The following MACF1 variants were observed in gnomAD, a reference collection of about 807,000 sequenced individuals.
MACF1 encodes the protein microtubule-actin cross-linking factor 1.
MACF1 carries 193 observed loss-of-function variants against 854.8 expected under a neutral mutation model. The ratio of observed to expected loss-of-function variants is 0.23; its 90% CI spans 0.20 to 0.25. The LOEUF is 0.25. Among genes scored for constraint, MACF1 ranks in the 10% least tolerant of loss-of-function variants. MACF1 has a pLI of 1.00. For synonymous variants in MACF1, 3,185 were observed against 3,226.7 expected, an observed-to-expected ratio of 0.99 and a Z score of 0.44; for missense variants, 7,722 against 8,929.1, an observed-to-expected ratio of 0.86 and a Z score of 5.45.
At chr1:39,163,364 A>G (rs921762598) in intron 2 of MACF1, among the ~76,000 whole-genome samples, 1 of 149,974 alleles carries the variant, frequency 6.7e-6, no homozygotes, top group Non-Finnish European at 1.5e-5. Flanking sequence ...AAAAAAAGAA[A>G]AGAAAAGAAA....
chr1:39,402,915 T>G (rs1417828379), intron 58 of MACF1, among the ~76,000 whole-genome samples: 4 of 152,168 alleles, frequency 2.6e-5, no homozygotes, highest in African/African-American at 7.2e-5. Context: ...TCTTCCTATC[T>G]CCTAAATATG....
chr1:39,268,926 G>C (rs16826022), intron 6 of MACF1: 111,092 of 1,287,654 alleles, frequency 0.086, 5,651 homozygotes, highest in South Asian at 0.19. Context: ...GGAAGACGGA[G>C]TGGGAGGGGT....
chr1:39,460,709 A>G lies in MACF1; in HGVS notation c.21438A>G (p.Arg7146=). 3.1e-6 allele frequency: 5 copies of G among 1,614,210 alleles called. No individual in the cohort carries two copies. Among genetic ancestry groups the G allele is most frequent in the Non-Finnish European group, 4.2e-6 (5 of 1,180,030 alleles). ...YMRWMNHKKS[R]VMDFFRRIDK... is the part of the protein sequence containing the mutation. ...GTTGGATGAATCACAAAAAGTCTCG[A>G]GTGATGGATTTCTTCCGGCGCATTG... Residue 7146 remains arginine (R), a synonymous_variant, in exon 92 of 101, where the codon CGA becomes CGG. Coordinates refer to ENST00000564288, the MANE Select transcript of MACF1 (RefSeq NM_001394062.1). This position sits in a 1 kb window ranked among gnomAD's most constrained non-coding sequence, Gnocchi z 4.1.
At chr1:39,412,997 C>G (rs781548547) in intron 58 of MACF1, 1 of 1,584,076 alleles carries the variant, frequency 6.3e-7, no homozygotes, top group South Asian at 1.1e-5. Flanking sequence ...ACTGTCCCAG[C>G]TGTTACAGTA....
intron 15 of MACF1, among the ~76,000 whole-genome samples, chr1:39,289,622 A>G (rs1249617106): frequency 1.4e-5 from 2 of 138,142 alleles, no homozygotes; most frequent in East Asian, 2.1e-4. Context: ...TGAGCTCCTT[A>G]TATATTCCAG....
At chr1:39,355,279 A>C (rs907147040) in intron 44 of MACF1, among the ~76,000 whole-genome samples, 12 of 152,294 alleles carry the variant, frequency 7.9e-5, no homozygotes, top group African/African-American at 2.9e-4. Context: ...TGCTGGCAGC[A>C]GTCAACCTAA....
chr1:39,332,532 C>T lies in MACF1; in HGVS notation c.5944C>T (p.Leu1982Phe). 1 of 1,614,106 alleles carries T rather than the reference C, an allele frequency of 6.2e-7. No individual in the cohort carries two copies. The highest frequency in any genetic ancestry group is 8.5e-7 in the Non-Finnish European group (1 of 1,180,022). ...YINVQNGQRL[L>F]LLDKELMETL... ...TAATGTGCAAAATGGACAGAGGCTG[C>T]TTCTGTTAGATAAAGAGCTGATGGA... The change falls in exon 37 of 101, where the codon CTT becomes TTT. Residue 1982 changes from leucine (L) to phenylalanine (F), a missense_variant. By Grantham distance (22) the Leu-to-Phe change is conservative. This residue lies in a region of MACF1 where 1,531 missense variants were observed against 1,601.6 expected (regional missense o/e 0.96). Coordinates refer to ENST00000564288, the MANE Select transcript of MACF1 (RefSeq NM_001394062.1).
chr1:39,349,783 C>T (rs1647137031), intron 42 of MACF1, among the ~76,000 whole-genome samples, 156 bp downstream of exon 42: 2 of 152,184 alleles, frequency 1.3e-5, no homozygotes, highest in Non-Finnish European at 2.9e-5. Flanking sequence ...AGTCATGAGC[C>T]ACCATGTCCT....
At chr1:39,239,047 C>A (rs571488817) in intron 2 of MACF1, among the ~76,000 whole-genome samples, 1 of 152,010 alleles carries the variant, frequency 6.6e-6, no homozygotes, top group South Asian at 2.1e-4. Flanking sequence ...TCTGGGAGAC[C>A]GAGGGGGTGG....
intron 2 of MACF1, among the ~76,000 whole-genome samples, chr1:39,175,126 C>A (rs1271378987): frequency 6.6e-6 from 1 of 152,174 alleles, no homozygotes; most frequent in Admixed American, 6.6e-5. Context: ...CTCCCTCCCC[C>A]ACCTTGCTCC....
intron 52 of MACF1, among the ~76,000 whole-genome samples, chr1:39,375,301 C>A (rs1569782075): frequency 6.6e-6 from 1 of 151,338 alleles, no homozygotes; most frequent in East Asian, 1.9e-4. Context: ...TAATTTCTTT[C>A]TTTCTTTTTT....
chr1:39,464,981 A>C (rs878919794), intron 94 of MACF1, 114 bp from the exon 95 acceptor site: 14 of 935,150 alleles, frequency 1.5e-5, no homozygotes, highest in African/African-American at 3.2e-5. Context: ...AGTGTGTGTC[A>C]CTTTGCCAGA....
intron 97 of MACF1, among the ~76,000 whole-genome samples, chr1:39,476,133 A>G (rs1483338690): frequency 2.0e-5 from 3 of 152,002 alleles, no homozygotes; most frequent in Non-Finnish European, 4.4e-5. Context: ...AATTTAATAT[A>G]CTCATATTAT....
intron 23 of MACF1, among the ~76,000 whole-genome samples, chr1:39,307,901 C>CTTTCTTTCTTTTTTTTTTTTTTTTTT (rs1222230255): frequency 2.0e-5 from 1 of 50,392 alleles, no homozygotes; most frequent in African/African-American, 7.6e-5. Context: ...TTCTTTCTTT[C>CTTTCTTTCTTTTTTTTTTTTTTTTTT]TTTTTTTTTT....
rs111806801 is a variant in MACF1, at chr1:39,256,797, T to C, written c.436-1139T>C. ...GAGGCATGGCAGGTATGGATATCTG[T>C]GACAAAGATGGGATAATGGAGGTGA... On this transcript the variant is annotated intron_variant, in intron 5 of 100. Transcript: ENST00000564288. Among the ~76,000 whole-genome samples, 468 of 150,208 alleles carry C rather than the reference T, an allele frequency of 3.1e-3. 3 individuals carry two copies. Among genetic ancestry groups the C allele is most frequent in the Middle Eastern group, 6.8e-3 (2 of 292 alleles).
intron 1 of MACF1, among the ~76,000 whole-genome samples, chr1:39,230,602 G>C (rs1571199774): frequency 5.3e-5 from 8 of 151,976 alleles, no homozygotes; most frequent in Admixed American, 5.2e-4. Context: ...AAAAAACCTG[G>C]AGAAAAAAGG....
intron 61 of MACF1, among the ~76,000 whole-genome samples, chr1:39,425,921 C>T (rs893180105): frequency 7.2e-5 from 11 of 152,134 alleles, no homozygotes; most frequent in Non-Finnish European, 1.0e-4. Context: ...TTTCCATCCT[C>T]CTAGCCTAAT....
At chr1:39,447,648 TTTATC>T (rs980157110) in intron 81 of MACF1, 39 bp from the exon 82 acceptor site, 4 of 1,613,552 alleles carry the variant, frequency 2.5e-6, no homozygotes, top group East Asian at 2.2e-5. Context: ...GAAATGCCCC[TTTATC>T]TTATCTTAAG....
intron 58 of MACF1, among the ~76,000 whole-genome samples, chr1:39,417,560 T>G (rs1386791357): frequency 6.6e-6 from 1 of 151,700 alleles, no homozygotes; most frequent in Admixed American, 6.6e-5. Flanking sequence ...TTTTGTTTTT[T>G]TTTTTAGACA....
Sources: allele counts gnomAD v4.1 joint callset (sites outside exome capture counted in the v4.1 genomes callset), GRCh38; gene constraint gnomAD v4.1.1; regional missense constraint gnomAD v4.1.1; non-coding constraint Gnocchi (gnomAD v3.1); transcripts MANE v1.5; gene names NCBI Gene and HGNC (gene_info 2026-07-23, HGNC 2026-07-21).